MKLN1: variants seen among roughly 807,000 people sequenced by gnomAD.
The protein encoded by MKLN1 is muskelin.
Under a neutral mutation model 99.0 loss-of-function variants are expected in MKLN1, and 18 were observed. That is an observed-to-expected ratio of 0.18 (90% CI 0.13 to 0.27). MKLN1 has a LOEUF of 0.27. MKLN1 is among the 10% of genes least tolerant of loss of function. The probability of loss-of-function intolerance (pLI) is 1.00; values close to 1 mark genes in which losing one functional copy is unlikely to be tolerated. For synonymous variants in MKLN1, 288 were observed against 293.2 expected, an observed-to-expected ratio of 0.98 and a Z score of 0.18; for missense variants, 621 against 875.9, an observed-to-expected ratio of 0.71 and a Z score of 3.67.
intron 3 of MKLN1, among the ~76,000 whole-genome samples, chr7:131,244,301 CCT>C (rs1328763461): frequency 6.6e-6 from 1 of 152,100 alleles, no homozygotes. Context: ...CAATTTTCTC[CCT>C]GTTTTCATGA....
chr7:131,143,867 T>A (rs1795777446), intron 2 of MKLN1, among the ~76,000 whole-genome samples: 1 of 152,104 alleles, frequency 6.6e-6, no homozygotes, highest in African/African-American at 2.4e-5. Context: ...ATTTTGAGAA[T>A]CAGAAAGACT....
chr7:131,250,070 T>A (rs949145841), intron 3 of MKLN1, among the ~76,000 whole-genome samples: 1 of 151,958 alleles, frequency 6.6e-6, no homozygotes, highest in Non-Finnish European at 1.5e-5. Context: ...AAGAAGGAAA[T>A]AATGTGGGCC....
At chr7:131,362,323 G>A (rs983828239) in intron 1 of MKLN1, among the ~76,000 whole-genome samples, 5 of 151,924 alleles carry the variant, frequency 3.3e-5, no homozygotes, top group African/African-American at 7.2e-5. Context: ...CTTACATGTG[G>A]TCTGTTATTG....
At chr7:131,419,365 C>T (rs1002063069) in intron 8 of MKLN1, among the ~76,000 whole-genome samples, 1 of 150,614 alleles carries the variant, frequency 6.6e-6, no homozygotes, top group Non-Finnish European at 1.5e-5. Flanking sequence ...ACTCTCCTGC[C>T]TCAGCCTCCC....
intron 2 of MKLN1, among the ~76,000 whole-genome samples, chr7:131,378,617 C>T (rs1263724144): frequency 1.3e-5 from 2 of 152,078 alleles, no homozygotes; most frequent in African/African-American, 4.8e-5. Flanking sequence ...ATCACTTGTG[C>T]TCAGGAGTTT....
chr7:131,465,713 G>A (rs1489278612), intron 14 of MKLN1, among the ~76,000 whole-genome samples: 3 of 151,866 alleles, frequency 2.0e-5, no homozygotes, highest in Non-Finnish European at 1.5e-5. Flanking sequence ...TAATTTTTTT[G>A]TATTTTTAGT....
chr7:131,295,018 T>C (rs1024279075), intron 3 of MKLN1, among the ~76,000 whole-genome samples: 4 of 152,202 alleles, frequency 2.6e-5, no homozygotes, highest in Non-Finnish European at 4.4e-5. Flanking sequence ...GTAAGTTTTC[T>C]CTTTCCACAG....
intron 2 of MKLN1, among the ~76,000 whole-genome samples, chr7:131,188,609 C>T (rs578230002): frequency 5.1e-4 from 77 of 152,086 alleles, no homozygotes; most frequent in Non-Finnish European, 1.0e-3. Flanking sequence ...AACTGGAACA[C>T]CATTATTTCA....
At chr7:131,393,535 A>G (rs1794268150) in intron 4 of MKLN1, among the ~76,000 whole-genome samples, 1 of 152,224 alleles carries the variant, frequency 6.6e-6, no homozygotes, top group African/African-American at 2.4e-5. Context: ...AAAAATTATA[A>G]CTAATTTTAT....
rs192116494 is a variant in MKLN1, at chr7:131,312,929, G to A, written c.-178-62495G>A. On this transcript the variant is annotated intron_variant, in intron 3 of 7. Transcript: ENST00000416992. ...CAAGAGGCACAGCTCAACTAGGGAT[G>A]ATGGGGCCCAGGCACTGTCCCCAGG... Among the ~76,000 whole-genome samples the A allele has an allele frequency of 1.6e-4, 25 of 152,324 alleles. No individual in the cohort carries two copies. In the East Asian group the frequency reaches 4.4e-3, roughly 27 times the overall value.
At chr7:131,202,778 C>T (rs1242599754) in intron 2 of MKLN1, 3 of 152,148 alleles carry the variant, frequency 2.0e-5, no homozygotes, top group Non-Finnish European at 2.9e-5. Context: ...GATTTCTTTA[C>T]TAGATTTTAA....
chr7:131,110,251 C>A, intron 1 of MKLN1: 1 of 159,174 alleles, frequency 6.3e-6, no homozygotes, highest in Non-Finnish European at 1.4e-5. Flanking sequence ...AGGGAGCGCG[C>A]AGGGGGGTAA....
At chr7:131,246,612 A>G (rs899451230) in intron 3 of MKLN1, among the ~76,000 whole-genome samples, 2 of 150,096 alleles carry the variant, frequency 1.3e-5, no homozygotes, top group African/African-American at 4.9e-5. Context: ...ACTAAGGAAA[A>G]TCCCCCTTCC....
intron 8 of MKLN1, among the ~76,000 whole-genome samples, chr7:131,423,390 T>C (rs1795262665): frequency 6.6e-6 from 1 of 152,204 alleles, no homozygotes; most frequent in Admixed American, 6.5e-5. Context: ...TGGAGTGCAA[T>C]GGCACAGTCT....
At chr7:131,472,188 A>G (rs1000205155) in intron 16 of MKLN1, 3 of 152,254 alleles carry the variant, frequency 2.0e-5, no homozygotes, top group African/African-American at 4.8e-5. Context: ...TAATTTTGTT[A>G]TGCCATGCAT....
intron 3 of MKLN1, among the ~76,000 whole-genome samples, chr7:131,315,270 C>CAAGCAG (rs780969043): frequency 7.2e-5 from 11 of 151,850 alleles, no homozygotes; most frequent in Admixed American, 2.6e-4. Context: ...CCATGGAGAG[C>CAAGCAG]AAGCAGAAGG....
intron 1 of MKLN1, among the ~76,000 whole-genome samples, chr7:131,365,401 G>C (rs1800150507): frequency 6.6e-6 from 1 of 152,154 alleles, no homozygotes; most frequent in African/African-American, 2.4e-5. Flanking sequence ...TAGGTTGTCT[G>C]TTTACTCTGT....
chr7:131,328,083 C>A, intron 1 of MKLN1, 86 bp downstream of exon 1: 1 of 1,509,372 alleles, frequency 6.6e-7, no homozygotes. Flanking sequence ...GCAGCCGAGC[C>A]GAGAGGCCCA....
At chr7:131,266,633 A>T (rs1188991340) in intron 3 of MKLN1, among the ~76,000 whole-genome samples, 2 of 152,100 alleles carry the variant, frequency 1.3e-5, no homozygotes, top group Non-Finnish European at 2.9e-5. Context: ...GGCTCTGACT[A>T]GGGGATGTAC....
Sources: allele counts gnomAD v4.1 joint callset (sites outside exome capture counted in the v4.1 genomes callset), GRCh38; gene constraint gnomAD v4.1.1; transcripts MANE v1.5; gene names NCBI Gene and HGNC (gene_info 2026-07-23, HGNC 2026-07-21).